The following NRXN3 variants were observed in gnomAD, a reference collection of about 807,000 sequenced individuals.
The protein encoded by NRXN3 is neurexin 3, also known as neurexin III.
In NRXN3, 32 loss-of-function variants were observed where a neutral mutation model predicts 137.6. The ratio of observed to expected loss-of-function variants is 0.23; its 90% CI spans 0.18 to 0.31. The LOEUF (loss-of-function observed/expected upper bound fraction) is 0.31. Among genes scored for constraint, NRXN3 ranks in the 10% least tolerant of loss-of-function variants. The probability of loss-of-function intolerance (pLI) is 1.00; values close to 1 mark genes in which losing one functional copy is unlikely to be tolerated. For missense variants in NRXN3, 1,574 were observed against 2,062.5 expected, an observed-to-expected ratio of 0.76 and a Z score of 4.59; for synonymous variants, 798 against 784.5, an observed-to-expected ratio of 1.02 and a Z score of -0.29.
At chr14:78,333,886 C>T (rs1019696119) in intron 4 of NRXN3, among the ~76,000 whole-genome samples, 21 of 152,066 alleles carry the variant, frequency 1.4e-4, no homozygotes, top group Non-Finnish European at 2.6e-4. Context: ...AGGCTCCTGC[C>T]GTAATCCAGG....
chr14:78,718,413 A>G (rs1218222420), intron 8 of NRXN3, among the ~76,000 whole-genome samples: 3 of 152,202 alleles, frequency 2.0e-5, no homozygotes, highest in Non-Finnish European at 4.4e-5. Context: ...CCCAGGTCAG[A>G]CACTAGACAC....
chr14:78,978,039 C>A (rs972962470), intron 14 of NRXN3, among the ~76,000 whole-genome samples: 6 of 152,104 alleles, frequency 3.9e-5, no homozygotes, highest in African/African-American at 1.4e-4. Context: ...TTATACCCAA[C>A]GTATTATGAG....
At chr14:78,862,808 A>G (rs2099076266) in intron 10 of NRXN3, among the ~76,000 whole-genome samples, 1 of 152,174 alleles carries the variant, frequency 6.6e-6, no homozygotes, top group Non-Finnish European at 1.5e-5. Context: ...ACATATAAAA[A>G]TTATAAAGTG....
chr14:78,489,949 C>T (rs1599369441), intron 4 of NRXN3, among the ~76,000 whole-genome samples: 2 of 150,710 alleles, frequency 1.3e-5, no homozygotes, highest in East Asian at 3.9e-4. Flanking sequence ...GAGTCTCACG[C>T]TATCACCCAG....
chr14:78,974,831 T>G (rs2099458473), intron 14 of NRXN3, among the ~76,000 whole-genome samples: 1 of 152,176 alleles, frequency 6.6e-6, no homozygotes, highest in Non-Finnish European at 1.5e-5. Flanking sequence ...TAGTACTAAT[T>G]ACCATGAAGT....
In NRXN3 at chr14:79,863,469, G is replaced by GAA. The variant is rs913101452; in HGVS notation, c.*1507_*1508dup. On this transcript the variant is annotated 3_prime_UTR_variant, in exon 21 of 21. Coordinates refer to ENST00000335750, the MANE Select transcript of NRXN3 (RefSeq NM_001330195.2). Reference sequence around the variant, plus strand: ...AAAAAAGCAAACCTTAAAATGTGAAGAAAGTGTGAATTTTAGTTTTGTCAC... The same window carrying GAA: ...AAAAAAGCAAACCTTAAAATGTGAAGAAAAAGTGTGAATTTTAGTTTTGTCAC... The GAA allele has an allele frequency of 6.6e-6, 1 of 152,188 alleles. No homozygotes were observed. The highest frequency in any genetic ancestry group is 1.5e-5 in the Non-Finnish European group (1 of 67,942). 9.4% of individuals were successfully genotyped at this position (152,188 alleles called of 1,614,324 possible). A position where few individuals can be genotyped will look rare whatever the true frequency, so the allele number is the denominator to read the frequency against.
chr14:78,222,096 C>A (rs1156517543), intron 1 of NRXN3, among the ~76,000 whole-genome samples: 1 of 152,122 alleles, frequency 6.6e-6, no homozygotes, highest in Non-Finnish European at 1.5e-5. Context: ...CTACTCTGCT[C>A]CCATCCTGAG....
At chr14:78,573,044 A>C (rs1300734694) in intron 4 of NRXN3, among the ~76,000 whole-genome samples, 1 of 152,220 alleles carries the variant, frequency 6.6e-6, no homozygotes. Flanking sequence ...AGTTCTCACA[A>C]GATCCGATGG....
At chr14:79,349,775 CT>C (rs1355410610) in intron 15 of NRXN3, among the ~76,000 whole-genome samples, 3 of 151,984 alleles carry the variant, frequency 2.0e-5, no homozygotes, top group African/African-American at 7.3e-5. Context: ...TCTGATAGGA[CT>C]AGTGTCCTTA....
At chr14:79,124,009 C>A (rs2055956382) in intron 15 of NRXN3, among the ~76,000 whole-genome samples, 1 of 152,146 alleles carries the variant, frequency 6.6e-6, no homozygotes, top group African/African-American at 2.4e-5. Flanking sequence ...TCCCATATCA[C>A]ACCACCGAAT....
chr14:78,903,427 C>G (rs965701617), intron 10 of NRXN3, among the ~76,000 whole-genome samples: 3 of 151,916 alleles, frequency 2.0e-5, no homozygotes, highest in African/African-American at 7.3e-5. Flanking sequence ...CAGGTGTGAG[C>G]CACTGCGTCT....
At chr14:78,899,925 T>C (rs2099190067) in intron 10 of NRXN3, among the ~76,000 whole-genome samples, 1 of 152,006 alleles carries the variant, frequency 6.6e-6, no homozygotes. Flanking sequence ...CCTCTAAAAT[T>C]TTCTTGTGTT....
rs1487143565 is a variant in NRXN3 at position 79,128,675 on chromosome 14, G to A, written c.3262+140534G>A. Among the ~76,000 whole-genome samples the A allele has an allele frequency of 3.3e-5, 5 of 152,296 alleles. No homozygotes were observed. In the South Asian group the frequency reaches 8.3e-4, roughly 25 times the overall value. ...TGTCTCTGCTGGGCTTTGGTATCAGGATGATGCTGGCCTCATAAAATGAGT... is the reference window on the plus strand; with the variant it reads ...TGTCTCTGCTGGGCTTTGGTATCAGAATGATGCTGGCCTCATAAAATGAGT... On this transcript the variant is annotated intron_variant, in intron 15 of 20. Coordinates refer to ENST00000335750, the MANE Select transcript of NRXN3 (RefSeq NM_001330195.2).
chr14:79,426,251 CA>C (rs1174485686), intron 15 of NRXN3, among the ~76,000 whole-genome samples: 1 of 152,206 alleles, frequency 6.6e-6, no homozygotes, highest in Non-Finnish European at 1.5e-5. Context: ...GCGCTACCAT[CA>C]CCAGCTATAG....
At chr14:78,774,460 T>C (rs928588751) in intron 8 of NRXN3, among the ~76,000 whole-genome samples, 1 of 152,250 alleles carries the variant, frequency 6.6e-6, no homozygotes, top group African/African-American at 2.4e-5. Flanking sequence ...TTAAATATTC[T>C]AAGTGTATCT....
chr14:79,778,129 A>G (rs2099102964), intron 19 of NRXN3, among the ~76,000 whole-genome samples: 1 of 152,196 alleles, frequency 6.6e-6, no homozygotes, highest in Non-Finnish European at 1.5e-5. Flanking sequence ...TAAGACTGGT[A>G]GCATAGGCTG....
At chr14:79,164,490 A>T (rs2061106590) in intron 15 of NRXN3, among the ~76,000 whole-genome samples, 1 of 152,004 alleles carries the variant, frequency 6.6e-6, no homozygotes, top group African/African-American at 2.4e-5. Context: ...AAAGCTATGG[A>T]CTATGGCCAT....
chr14:79,039,583 G>A lies in NRXN3; in HGVS notation c.3262+51442G>A, dbSNP rs145200974. ...ATGTTTGAGAGATAAAAAGTTGTCC[G>A]TCTGTCTACCTCTCCAGGCTAATGT... On this transcript the variant is annotated intron_variant, in intron 15 of 20. Transcript: ENST00000335750. 3.2e-4 allele frequency among the ~76,000 whole-genome samples: 48 copies of A among 152,196 alleles called. 1 individual carries two copies. In the East Asian group the frequency reaches 5.4e-3, roughly 17 times the overall value.
At chr14:79,593,207 A>T (rs140766137) in intron 16 of NRXN3, among the ~76,000 whole-genome samples, 67 of 152,352 alleles carry the variant, frequency 4.4e-4, no homozygotes, top group African/African-American at 1.5e-3. Flanking sequence ...CCAATTCAGT[A>T]TATGAGAAGA....
Sources: allele counts gnomAD v4.1 joint callset (sites outside exome capture counted in the v4.1 genomes callset), GRCh38; gene constraint gnomAD v4.1.1; transcripts MANE v1.5; gene names NCBI Gene and HGNC (gene_info 2026-07-23, HGNC 2026-07-21).